The following CAST variants were observed in gnomAD, a reference collection of about 807,000 sequenced individuals.
CAST encodes MIR583 host.
In CAST, 76 loss-of-function variants were observed where a neutral mutation model predicts 119.6. The observed-to-expected ratio is 0.64, with a 90% CI of 0.53 to 0.77. CAST has a LOEUF of 0.77. CAST is among the 30% of genes least tolerant of loss of function. CAST has a pLI of 0.00. For missense variants in CAST, 953 were observed against 946.5 expected (o/e 1.01, Z -0.09); for synonymous variants, 319 against 331.6 (o/e 0.96, Z 0.41).
chr5:96,433,469 G>T, the CAST span, among the ~76,000 whole-genome samples: 1 of 152,318 alleles, frequency 6.6e-6, no homozygotes, highest in South Asian at 2.1e-4. Flanking sequence ...ATTCTGTACC[G>T]TGAGAAACAT....
chr5:96,293,009 G>A, the CAST span, among the ~76,000 whole-genome samples: 215 of 152,334 alleles, frequency 1.4e-3, 1 homozygote, highest in African/African-American at 4.9e-3. Flanking sequence ...ATCAAAGTAC[G>A]AATAGGGGTG....
chr5:96,268,614 C>T, the CAST span, among the ~76,000 whole-genome samples: 1 of 151,830 alleles, frequency 6.6e-6, no homozygotes, highest in African/African-American at 2.4e-5. Context: ...AAAAATAAAT[C>T]AAAAATAAAA....
At chr5:96,157,267 C>T in the CAST span, among the ~76,000 whole-genome samples, 2 of 152,140 alleles carry the variant, frequency 1.3e-5, no homozygotes, top group South Asian at 2.1e-4. Flanking sequence ...TCAACATCCA[C>T]GGGCCCTGGT....
intron 22 of CAST, 134 bp from the exon 23 acceptor site, chr5:96,757,310 C>T (rs1211648335): frequency 1.7e-5 from 14 of 829,682 alleles, no homozygotes; most frequent in Admixed American, 1.4e-4. Context: ...GAGAATCCTT[C>T]GTGACATGAT....
chr5:96,160,345 A>T, the CAST span, among the ~76,000 whole-genome samples: 1 of 152,100 alleles, frequency 6.6e-6, no homozygotes, highest in South Asian at 2.1e-4. Flanking sequence ...AACATTTAAC[A>T]TAACCAGACT....
chr5:96,044,238 C>A, the CAST span, among the ~76,000 whole-genome samples: 3 of 152,154 alleles, frequency 2.0e-5, no homozygotes, highest in Non-Finnish European at 4.4e-5. Flanking sequence ...TGTGTTGAAA[C>A]CTAACCCCCA....
the CAST span, among the ~76,000 whole-genome samples, chr5:96,177,248 A>T: frequency 6.6e-6 from 1 of 152,176 alleles, no homozygotes; most frequent in Non-Finnish European, 1.5e-5. Context: ...TTTTGGGAAA[A>T]AAAGAAAGGA....
chr5:96,761,679 A>G (rs1275546077), intron 24 of CAST: 1 of 152,358 alleles, frequency 6.6e-6, no homozygotes, highest in African/African-American at 2.4e-5. Flanking sequence ...AATATTTTTA[A>G]ACAGAAATTA....
the CAST span, among the ~76,000 whole-genome samples, chr5:96,096,281 A>G: frequency 1.3e-5 from 2 of 152,208 alleles, no homozygotes; most frequent in Non-Finnish European, 2.9e-5. Flanking sequence ...AGTCATTCAA[A>G]TGACCTAAAG....
chr5:96,633,464 T>C (rs1747847522), intron 1 of CAST, among the ~76,000 whole-genome samples: 1 of 152,268 alleles, frequency 6.6e-6, no homozygotes, highest in Admixed American at 6.5e-5. Flanking sequence ...TTTTTAATTC[T>C]TTTGATGCCA....
intron 1 of CAST, among the ~76,000 whole-genome samples, chr5:96,579,249 C>T (rs1391376588): frequency 6.6e-6 from 1 of 152,076 alleles, no homozygotes; most frequent in Non-Finnish European, 1.5e-5. Flanking sequence ...CAAATATGCC[C>T]CAGTGCTGCC....
chr5:96,694,586 G>A (rs1161137408), intron 2 of CAST, among the ~76,000 whole-genome samples: 3 of 152,000 alleles, frequency 2.0e-5, no homozygotes, highest in East Asian at 3.9e-4. Flanking sequence ...AGCCGAGATC[G>A]CACCACTGCA....
rs145902131 is a variant in CAST, at chr5:96,767,138, C to T, written c.2131-300C>T. ...AAAACACAAGTAACTTTTTATAACA[C>T]TTTAAGTAGAATTATAAGTGATAAT... On this transcript the variant is annotated intron_variant, in intron 27 of 31. Coordinates refer to ENST00000675179, the MANE Select transcript of CAST (RefSeq NM_001750.7). Among the ~76,000 whole-genome samples, 527 of 152,292 alleles carry T rather than the reference C, an allele frequency of 3.5e-3. 1 individual carries two copies. The highest frequency in any genetic ancestry group is 0.012 in the African/African-American group (498 of 41,568).
chr5:96,418,154 A>T, the CAST span, among the ~76,000 whole-genome samples: 1 of 152,228 alleles, frequency 6.6e-6, no homozygotes, highest in South Asian at 2.1e-4. Flanking sequence ...ACAAATATGC[A>T]TTGACATGTT....
chr5:96,486,033 G>A, the CAST span, among the ~76,000 whole-genome samples: 4 of 152,086 alleles, frequency 2.6e-5, no homozygotes, highest in Non-Finnish European at 4.4e-5. Context: ...CTTCCAGAGA[G>A]GTCCAAAAAA....
chr5:96,477,107 CACACAA>C, the CAST span, among the ~76,000 whole-genome samples: 2 of 128,344 alleles, frequency 1.6e-5, no homozygotes, highest in Admixed American at 8.2e-5. Context: ...CACACACACA[CACACAA>C]ATTATCACAG....
At chr5:96,472,656 C>T in the CAST span, among the ~76,000 whole-genome samples, 1 of 152,052 alleles carries the variant, frequency 6.6e-6, no homozygotes, top group Admixed American at 6.6e-5. Context: ...AAAGCAGGCT[C>T]AATATATTTT....
the CAST span, chr5:96,308,826 G>C: frequency 6.5e-6 from 1 of 152,780 alleles, no homozygotes; most frequent in East Asian, 1.9e-4. Flanking sequence ...CCTTCCTCTG[G>C]AAGCTTTGTC....
the CAST span, among the ~76,000 whole-genome samples, chr5:96,120,049 A>T: frequency 6.6e-6 from 1 of 152,118 alleles, no homozygotes; most frequent in African/African-American, 2.4e-5. Flanking sequence ...TTCTGCCTTT[A>T]TCCACTAGAT....
Sources: gnomAD v4.1 joint callset for allele counts (sites outside exome capture counted in the v4.1 genomes callset) on GRCh38, gnomAD v4.1.1 for gene constraint, MANE v1.5 for transcripts, NCBI Gene and HGNC (gene_info 2026-07-23, HGNC 2026-07-21) for gene names.